SOX5: variants seen among roughly 807,000 people sequenced by gnomAD.
SOX5 encodes the protein SRY-box transcription factor 5.
In SOX5, 9 loss-of-function variants were observed where a neutral mutation model predicts 92.0. The observed-to-expected ratio is 0.10, with a 90% CI of 0.06 to 0.17. The LOEUF (loss-of-function observed/expected upper bound fraction) is 0.17. Ranked by LOEUF, SOX5 falls within the 10% of genes least tolerant of loss-of-function variation. SOX5 has a pLI of 1.00. For synonymous variants in SOX5, 344 were observed against 336.3 expected, an observed-to-expected ratio of 1.02 and a Z score of -0.25; for missense variants, 642 against 944.5, an observed-to-expected ratio of 0.68 and a Z score of 4.20.
chr12:24,179,742 G>C (rs920900866), intron 4 of SOX5, among the ~76,000 whole-genome samples: 1 of 152,158 alleles, frequency 6.6e-6, no homozygotes, highest in East Asian at 1.9e-4. Context: ...GTGCGGCTAA[G>C]CTATGGTGTT....
chr12:23,745,803 C>T (rs137928595), intron 4 of SOX5, among the ~76,000 whole-genome samples: 352 of 125,994 alleles, frequency 2.8e-3, no homozygotes, highest in Non-Finnish European at 4.4e-3. Context: ...TGAATCATTG[C>T]ATTGTATTAT....
At chr12:24,050,982 T>C (rs1957506815) in intron 4 of SOX5, among the ~76,000 whole-genome samples, 2 of 152,084 alleles carry the variant, frequency 1.3e-5, no homozygotes, top group Non-Finnish European at 2.9e-5. Context: ...ATCCTCTCTC[T>C]TTTTTTGTCA....
intron 9 of SOX5, among the ~76,000 whole-genome samples, chr12:23,589,989 A>G (rs962395793): frequency 6.6e-6 from 1 of 152,008 alleles, no homozygotes; most frequent in Non-Finnish European, 1.5e-5. Flanking sequence ...CTATTCAAGG[A>G]GTATGTGTTT....
intron 4 of SOX5, among the ~76,000 whole-genome samples, chr12:24,177,876 C>A: frequency 6.6e-6 from 1 of 152,116 alleles, no homozygotes; most frequent in East Asian, 1.9e-4. Flanking sequence ...CGATAATTGA[C>A]CCAGGACTTT....
At chr12:24,065,484 T>C (rs1027194870) in intron 4 of SOX5, among the ~76,000 whole-genome samples, 2 of 151,470 alleles carry the variant, frequency 1.3e-5, no homozygotes, top group Non-Finnish European at 2.9e-5. Context: ...CTGTCTCTAC[T>C]AAAAATACGA....
chr12:24,197,486 A>G (rs907969507), intron 4 of SOX5, among the ~76,000 whole-genome samples: 14 of 152,222 alleles, frequency 9.2e-5, no homozygotes, highest in Admixed American at 2.0e-4. Flanking sequence ...GGCAGAGAAC[A>G]CTAACTGGCT....
At chr12:23,879,854 A>G in intron 2 of SOX5, among the ~76,000 whole-genome samples, 1 of 152,154 alleles carries the variant, frequency 6.6e-6, no homozygotes, top group East Asian at 1.9e-4. Context: ...TGGCTCAAAA[A>G]GTGGGTTAAA....
At chr12:23,831,678 T>C (rs912188264) in intron 3 of SOX5, among the ~76,000 whole-genome samples, 1 of 152,080 alleles carries the variant, frequency 6.6e-6, no homozygotes, top group Non-Finnish European at 1.5e-5. Flanking sequence ...TAGGTAAGTT[T>C]GGTAATAAGT....
At chr12:23,903,387 C>A (rs970285547) in intron 1 of SOX5, among the ~76,000 whole-genome samples, 2 of 152,120 alleles carry the variant, frequency 1.3e-5, no homozygotes, top group South Asian at 4.1e-4. Context: ...GAATTCGACA[C>A]CAGCCTGCAA....
At chr12:24,255,997 T>C (rs1941095058) in intron 3 of SOX5, among the ~76,000 whole-genome samples, 1 of 152,166 alleles carries the variant, frequency 6.6e-6, no homozygotes, top group Non-Finnish European at 1.5e-5. Context: ...CCAACATATA[T>C]CAAAAATTGA....
At chr12:23,704,899 A>G (rs1274583779) in intron 6 of SOX5, among the ~76,000 whole-genome samples, 2 of 151,406 alleles carry the variant, frequency 1.3e-5, no homozygotes, top group Non-Finnish European at 3.0e-5. Context: ...TTGTATTTTC[A>G]TAATCATGAA....
At chr12:24,093,530 A>AC (rs910411312) in intron 4 of SOX5, among the ~76,000 whole-genome samples, 50 of 151,770 alleles carry the variant, frequency 3.3e-4, no homozygotes, top group African/African-American at 1.1e-3. Flanking sequence ...CTCAAAAAAA[A>AC]AAAAACAAAA....
At chr12:24,032,689 A>AC in intron 4 of SOX5, among the ~76,000 whole-genome samples, 1 of 152,022 alleles carries the variant, frequency 6.6e-6, no homozygotes, top group Non-Finnish European at 1.5e-5. Context: ...AGGTAAAACT[A>AC]CTAAACTCGG....
chr12:24,080,318 C>T (rs1055963404), intron 4 of SOX5, among the ~76,000 whole-genome samples: 2 of 151,856 alleles, frequency 1.3e-5, no homozygotes, highest in Admixed American at 1.3e-4. Flanking sequence ...TCTATGATTG[C>T]AATGCTAACA....
intron 3 of SOX5, among the ~76,000 whole-genome samples, chr12:24,246,383 A>T (rs1415460726): frequency 1.3e-5 from 2 of 152,176 alleles, no homozygotes; most frequent in Admixed American, 6.5e-5. Flanking sequence ...CTTAAAAAAA[A>T]ATTCAAGGAA....
Position 23,895,775 on chromosome 12 carries a change from A to G in SOX5, c.270+18T>C. The stretch of plus-strand genomic sequence containing the variant: ...GTCAAAAAGTGAGTGTAGGCACAAT[A>G]AACCATGAGAAACCTACCATTGTAT... On this transcript the variant is annotated intron_variant, in intron 2 of 14. Transcript: ENST00000451604. The G allele has an allele frequency of 6.4e-7, 1 of 1,567,032 alleles. No individual in the cohort carries two copies. Among genetic ancestry groups the G allele is most frequent in the Non-Finnish European group, 8.8e-7 (1 of 1,137,126 alleles).
At chr12:23,744,810 G>T (rs1027230105) in intron 4 of SOX5, among the ~76,000 whole-genome samples, 1 of 151,968 alleles carries the variant, frequency 6.6e-6, no homozygotes, top group Non-Finnish European at 1.5e-5. Context: ...CCACAGACTG[G>T]GTGGTTTAAA....
intron 4 of SOX5, among the ~76,000 whole-genome samples, chr12:24,066,165 G>A (rs1940705321): frequency 2.0e-5 from 3 of 152,056 alleles, no homozygotes; most frequent in Admixed American, 2.0e-4. Context: ...ATATAAATTT[G>A]ACAAAAAGAT....
intron 4 of SOX5, among the ~76,000 whole-genome samples, chr12:23,986,947 A>G (rs546182930): frequency 6.6e-6 from 1 of 152,294 alleles, no homozygotes; most frequent in East Asian, 1.9e-4. Context: ...TTTAAAAATC[A>G]CTTTCACTCT....
Sources: allele counts gnomAD v4.1 joint callset (sites outside exome capture counted in the v4.1 genomes callset), GRCh38; gene constraint gnomAD v4.1.1; transcripts MANE v1.5; gene names NCBI Gene and HGNC (gene_info 2026-07-23, HGNC 2026-07-21).